Variants in CCNL1 observed in about 807,000 individuals in gnomAD.
The protein encoded by CCNL1 is cyclin L1.
A neutral mutation model predicts 60.6 loss-of-function variants in CCNL1; 13 were observed. That is an observed-to-expected ratio of 0.21 (90% confidence interval 0.14 to 0.34). The LOEUF (loss-of-function observed/expected upper bound fraction) is 0.34, where lower values mean the gene tolerates loss of function less well. Ranked by LOEUF, CCNL1 falls within the 10% of genes least tolerant of loss-of-function variation. The probability of loss-of-function intolerance (pLI) is 1.00; values close to 1 mark genes in which losing one functional copy is unlikely to be tolerated. For synonymous variants in CCNL1, 270 were observed against 244.3 expected (o/e 1.10, Z -0.98); for missense variants, 481 against 664.3 (o/e 0.72, Z 3.03).
chr3:157,150,692 A>C, intron 5 of CCNL1: 1 of 1,055,288 alleles, frequency 9.5e-7, no homozygotes, highest in Non-Finnish European at 1.1e-6. Flanking sequence ...TTCAAAGTCA[A>C]TTCTGACACG....
chr3:157,151,313 T>G, intron 5 of CCNL1: 1 of 985,728 alleles, frequency 1.0e-6, no homozygotes, highest in Non-Finnish European at 1.2e-6. Context: ...TCAATAGTCT[T>G]AGGAAACAGT....
intron 1 of CCNL1, 80 bp downstream of exon 1, chr3:157,159,712 G>A (rs1738928216): frequency 3.9e-6 from 5 of 1,296,264 alleles, no homozygotes; most frequent in South Asian, 1.5e-5. Context: ...CCCTCCCGGG[G>A]CACGGTGATA....
At position 157,150,101 on chromosome 3, in the gene CCNL1, G is replaced by T; in HGVS notation, c.843C>A (p.Ile281=). The T allele has an allele frequency of 6.2e-7, 1 of 1,612,620 alleles. No individual in the cohort carries two copies. The highest frequency in any genetic ancestry group is 8.5e-7 in the Non-Finnish European group (1 of 1,179,598). The change falls in exon 7 of 11, where the codon ATC becomes ATA. Residue 281 remains isoleucine, a synonymous_variant. Transcript: ENST00000295926. ...FGTTEEEIQE[I]CIETLRLYTR... is the part of the protein sequence containing the mutation. ...TATAAAGCCTAAGTGTTTCTATGCA[G>T]ATTTCCTGGATTTCCTCTTCTGTAG...
chr3:157,149,437 A>T, intron 9 of CCNL1, 48 bp downstream of exon 9: 1 of 1,609,042 alleles, frequency 6.2e-7, no homozygotes, highest in Non-Finnish European at 8.5e-7. Context: ...TAAAAAGTAA[A>T]CACATAAAAG....
intron 3 of CCNL1, among the ~76,000 whole-genome samples, chr3:157,154,833 T>A (rs1169455893): frequency 6.6e-6 from 1 of 152,102 alleles, no homozygotes; most frequent in Non-Finnish European, 1.5e-5. Flanking sequence ...TAACGTGTAA[T>A]GATGAATCCA....
At position 157,160,108 on chromosome 3, in the gene CCNL1, C is replaced by A. The variant is rs1282300852; in HGVS notation, c.-14G>T. The stretch of plus-strand genomic sequence containing the variant: ...CCCGGACGCCATAGTCTTAGCGAGC[C>A]GCACGCAAGCCCAACGCAGCCGGAA... On this transcript the variant is annotated 5_prime_UTR_variant, in exon 1 of 11. Coordinates refer to ENST00000295926, the MANE Select transcript of CCNL1 (RefSeq NM_020307.4). The A allele has an allele frequency of 2.0e-6, 3 of 1,534,536 alleles. No individual in the cohort carries two copies. The highest frequency in any genetic ancestry group is 2.6e-6 in the Non-Finnish European group (3 of 1,138,124).
At position 157,150,396 on chromosome 3, in the gene CCNL1, A is replaced by G. The variant is rs373936042; in HGVS notation, c.675-15T>C. 1 of 1,611,748 alleles carries G rather than the reference A, an allele frequency of 6.2e-7. No individual in the cohort carries two copies. Among genetic ancestry groups the G allele is most frequent in the Non-Finnish European group, 8.5e-7 (1 of 1,178,524 alleles). ...TCATGTAATTCCTGAAAAATATTTCAACTATAAGCTTGCATGTAAACAAAC... is the reference window on the plus strand; with the variant it reads ...TCATGTAATTCCTGAAAAATATTTCGACTATAAGCTTGCATGTAAACAAAC... On this transcript the variant is annotated splice_polypyrimidine_tract_variant and intron_variant, in intron 5 of 10. Transcript: ENST00000295926.
intron 3 of CCNL1, chr3:157,154,268 G>T (rs1269962950): frequency 6.6e-6 from 1 of 152,130 alleles, no homozygotes; most frequent in Non-Finnish European, 1.5e-5. Context: ...TTGGGCTTTT[G>T]TTTTTTGTTG....
chr3:157,151,909 T>C, intron 5 of CCNL1: 1 of 1,267,836 alleles, frequency 7.9e-7, no homozygotes, highest in African/African-American at 1.6e-5. Context: ...CAGAGTTCTA[T>C]GACTTACCAT....
chr3:157,143,992 C>T (rs551379451), downstream of CCNL1, among the ~76,000 whole-genome samples: 2 of 152,288 alleles, frequency 1.3e-5, no homozygotes, highest in East Asian at 3.9e-4. Context: ...AAAGGCATGA[C>T]AGACAGAAAT....
At chr3:157,153,394 A>G (rs1345085587) in intron 3 of CCNL1, 32 of 368,694 alleles carry the variant, frequency 8.7e-5, no homozygotes, top group Non-Finnish European at 1.5e-5. Context: ...AATTCACTCT[A>G]ATGTTCTTGA....
intron 5 of CCNL1, chr3:157,151,398 C>T: frequency 1.0e-6 from 1 of 985,858 alleles, no homozygotes. Context: ...ATCTGCATCT[C>T]AAGAAGTCCA....
At chr3:157,143,798 C>T (rs1737707935), downstream of CCNL1, among the ~76,000 whole-genome samples, 1 of 151,860 alleles carries the variant, frequency 6.6e-6, no homozygotes, top group Non-Finnish European at 1.5e-5. Context: ...ATGAGGATGG[C>T]AATAAAGGCT....
At chr3:157,157,208 G>A (rs1738688909) in intron 3 of CCNL1, 1 of 815,056 alleles carries the variant, frequency 1.2e-6, no homozygotes, top group South Asian at 1.4e-5. Context: ...AGGCTTCCAT[G>A]CAATTAACAA....
At chr3:157,159,105 C>A (rs1738852419) in intron 2 of CCNL1, 130 bp from the exon 3 acceptor site, 3 of 668,794 alleles carry the variant, frequency 4.5e-6, no homozygotes, top group African/African-American at 3.6e-5. Flanking sequence ...AGTCTACCAG[C>A]TATGCTAGTA....
downstream of CCNL1, chr3:157,146,521 A>AT (rs1222079128): frequency 2.2e-6 from 1 of 451,132 alleles, no homozygotes; most frequent in African/African-American, 2.0e-5. Flanking sequence ...CACTATTAAG[A>AT]ATTTAATACT....
chr3:157,152,042 TA>T, intron 5 of CCNL1, 134 bp downstream of exon 5: 1 of 1,484,782 alleles, frequency 6.7e-7, no homozygotes, highest in Non-Finnish European at 8.9e-7. Flanking sequence ...ACCTTTTGGT[TA>T]AAAAAACAAA....
chr3:157,158,893 T>C lies in CCNL1; in HGVS notation c.461A>G (p.His154Arg). The C allele has an allele frequency of 2.5e-6, 4 of 1,612,586 alleles. No homozygotes were observed. Among genetic ancestry groups the C allele is most frequent in the Non-Finnish European group, 3.4e-6 (4 of 1,178,974 alleles). ...RRIRDVINVF[H>R]HLRQLRGKRT... ...TTTTCCTCTTAACTGGCGGAGGTGG[T>C]GGAATACATTAATCACATCTCTTAT... Residue 154 changes from histidine to arginine, a missense_variant, in exon 3 of 11, where the codon CAC becomes CGC. Coordinates refer to ENST00000295926, the MANE Select transcript of CCNL1 (RefSeq NM_020307.4).
intron 3 of CCNL1, chr3:157,153,586 T>C (rs1290377112): frequency 6.5e-6 from 1 of 154,732 alleles, no homozygotes; most frequent in African/African-American, 2.4e-5. Flanking sequence ...AACTTACTAA[T>C]ATCAGTGTCA....
Sources: allele counts gnomAD v4.1 joint callset (sites outside exome capture counted in the v4.1 genomes callset), GRCh38; gene constraint gnomAD v4.1.1; transcripts MANE v1.5; gene names NCBI Gene and HGNC (gene_info 2026-07-23, HGNC 2026-07-21).